Variants in JHY observed in about 807,000 individuals in gnomAD.
The protein encoded by JHY is jhy protein homolog.
In JHY, 69 loss-of-function variants were observed where a neutral mutation model predicts 78.0. The observed-to-expected ratio is 0.88, with a 90% CI of 0.73 to 1.08. The LOEUF is 1.08. JHY is among the 50% of genes least tolerant of loss of function. The pLI is 0.00. For synonymous variants in JHY, 368 were observed against 342.6 expected (o/e 1.07, Z -0.82); for missense variants, 944 against 927.8 (o/e 1.02, Z -0.23).
chr11:122,919,188 C>T (rs898020860), intron 3 of JHY, among the ~76,000 whole-genome samples: 3 of 151,422 alleles, frequency 2.0e-5, no homozygotes, highest in African/African-American at 7.3e-5. Context: ...CCCGTCTCTA[C>T]TAAAATTACA....
chr11:122,946,568 G>C lies in JHY; in HGVS notation c.1705G>C (p.Glu569Gln). 6.2e-7 allele frequency: 1 copy of C among 1,613,930 alleles called. No individual in the cohort carries two copies. Among genetic ancestry groups the C allele is most frequent in the Non-Finnish European group, 8.5e-7 (1 of 1,179,956 alleles). ...AGATTCATGGCTCACCCAGATAATG[G>C]AGCAGCATCAGCAAGCCTTGGTGCA... is the stretch of plus-strand genomic sequence containing the variant. Reference protein sequence around the residue: ...SPDSWLTQIMEQHQQALVQLT... With the variant: ...SPDSWLTQIMQQHQQALVQLT... Residue 569 changes from glutamate to glutamine, a missense_variant, in exon 6 of 9, where the codon GAG becomes CAG. Glu to Gln is a conservative substitution (Grantham distance 29, BLOSUM62 2). Transcript: ENST00000227349.
At chr11:122,938,974 C>T (rs768190037) in intron 5 of JHY, among the ~76,000 whole-genome samples, 10 of 150,218 alleles carry the variant, frequency 6.7e-5, no homozygotes, top group Non-Finnish European at 1.3e-4. Context: ...TCTGGAGATC[C>T]GCCTGCTTCT....
intron 8 of JHY, 124 bp downstream of exon 8, chr11:122,957,615 A>G: frequency 1.9e-6 from 2 of 1,070,970 alleles, no homozygotes; most frequent in Non-Finnish European, 2.5e-6. Context: ...GGATGGTCAT[A>G]AACTCCTGGG....
intron 2 of JHY, among the ~76,000 whole-genome samples, chr11:122,901,759 G>C (rs1196781283): frequency 6.6e-6 from 1 of 151,860 alleles, no homozygotes; most frequent in Non-Finnish European, 1.5e-5. Flanking sequence ...TGTAGTCCCA[G>C]CTACTCGGGA....
At chr11:122,897,275 A>G (rs1437017250) in intron 2 of JHY, among the ~76,000 whole-genome samples, 1 of 151,650 alleles carries the variant, frequency 6.6e-6, no homozygotes, top group Admixed American at 6.6e-5. Context: ...CCCAAGCTGG[A>G]GTGCAGTGGC....
intron 6 of JHY, among the ~76,000 whole-genome samples, chr11:122,950,091 C>A (rs1864057617): frequency 6.6e-6 from 1 of 152,082 alleles, no homozygotes; most frequent in African/African-American, 2.4e-5. Flanking sequence ...GCCTTGGCCT[C>A]CCAAATTGCC....
intron 4 of JHY, among the ~76,000 whole-genome samples, chr11:122,930,331 C>G (rs56082140): frequency 0.12 from 17,662 of 152,182 alleles, 1,344 homozygotes; most frequent in African/African-American, 0.21. Context: ...CCACCCGCCT[C>G]TACCTCCCAA....
intron 2 of JHY, among the ~76,000 whole-genome samples, chr11:122,886,541 C>T (rs1292127306): frequency 2.0e-5 from 3 of 152,066 alleles, no homozygotes; most frequent in Non-Finnish European, 2.9e-5. Context: ...TTGGTCCAGG[C>T]GTTGCTGTTT....
chr11:122,891,570 TA>T (rs10636239), intron 2 of JHY, among the ~76,000 whole-genome samples: 10 of 147,484 alleles, frequency 6.8e-5, no homozygotes, highest in African/African-American at 1.2e-4. Flanking sequence ...CCTTGTATAT[TA>T]AAAAAAAAAA....
chr11:122,900,915 A>G (rs1247295089), intron 2 of JHY, among the ~76,000 whole-genome samples: 1 of 152,220 alleles, frequency 6.6e-6, no homozygotes, highest in African/African-American at 2.4e-5. Context: ...CTTTCCCCCA[A>G]AAAGGAGCAG....
chr11:122,943,455 T>C (rs1863911969), intron 5 of JHY, among the ~76,000 whole-genome samples: 1 of 152,194 alleles, frequency 6.6e-6, no homozygotes, highest in Admixed American at 6.5e-5. Context: ...TTACATTCTA[T>C]GTACGAGTAG....
intron 2 of JHY, among the ~76,000 whole-genome samples, chr11:122,892,259 T>A (rs536771148): frequency 4.9e-4 from 75 of 152,006 alleles, no homozygotes; most frequent in African/African-American, 1.7e-3. Flanking sequence ...CATGAGGAAT[T>A]ACTAGTTAAA....
At chr11:122,921,179 T>C (rs2135334984) in intron 3 of JHY, among the ~76,000 whole-genome samples, 1 of 152,294 alleles carries the variant, frequency 6.6e-6, no homozygotes, top group South Asian at 2.1e-4. Context: ...AGGGAAATAA[T>C]GTATATCCTA....
At chr11:122,911,280 T>C (rs2135319405) in intron 3 of JHY, among the ~76,000 whole-genome samples, 1 of 152,330 alleles carries the variant, frequency 6.6e-6, no homozygotes, top group South Asian at 2.1e-4. Context: ...AAATTACAGA[T>C]AGTTTACAAA....
In JHY at chr11:122,885,960, G is replaced by A; in HGVS notation, c.111G>A (p.Arg37=). ...CTTTGAAGAAAGAAGACTTACATCG[G>A]ATTTCAAAAGACTCCTTGGAATCTG... is the stretch of plus-strand genomic sequence containing the variant. ...HPPLKKEDLH[R]ISKDSLESDS... Residue 37 remains arginine, a synonymous_variant, in exon 2 of 9, where the codon CGG becomes CGA. Coordinates refer to ENST00000227349, the MANE Select transcript of JHY (RefSeq NM_024806.4). 6.2e-7 allele frequency: 1 copy of A among 1,614,124 alleles called. No individual in the cohort carries two copies. Among genetic ancestry groups the A allele is most frequent in the Non-Finnish European group, 8.5e-7 (1 of 1,180,014 alleles).
intron 2 of JHY, among the ~76,000 whole-genome samples, chr11:122,896,538 C>T (rs780892035): frequency 3.9e-5 from 6 of 152,100 alleles, no homozygotes; most frequent in Non-Finnish European, 7.3e-5. Context: ...CATTCTCCAC[C>T]GTGCCTAAGT....
intron 6 of JHY, chr11:122,946,999 G>A: frequency 3.8e-6 from 2 of 524,218 alleles, no homozygotes; most frequent in South Asian, 5.5e-5. Flanking sequence ...TTGCTGCCAG[G>A]GATGCCCATT....
chr11:122,914,255 C>G (rs1863189229), intron 3 of JHY, among the ~76,000 whole-genome samples: 1 of 152,070 alleles, frequency 6.6e-6, no homozygotes, highest in Non-Finnish European at 1.5e-5. Flanking sequence ...AGGTTGCCAC[C>G]TAAAGGATAT....
intron 3 of JHY, among the ~76,000 whole-genome samples, chr11:122,920,554 A>T (rs569018542): frequency 1.3e-5 from 2 of 152,336 alleles, no homozygotes; most frequent in Admixed American, 6.5e-5. Context: ...TTGGTAAAGC[A>T]TCAACTTTTT....
Sources: allele counts gnomAD v4.1 joint callset (sites outside exome capture counted in the v4.1 genomes callset), GRCh38; gene constraint gnomAD v4.1.1; transcripts MANE v1.5; gene names NCBI Gene and HGNC (gene_info 2026-07-23, HGNC 2026-07-21).